The following PCMTD1 variants were observed in gnomAD, a reference collection of about 807,000 sequenced individuals.
The protein encoded by PCMTD1 is protein-L-isoaspartate (D-aspartate) O-methyltransferase domain containing 1, also known as protein-L-isoaspartate O-methyltransferase domain-containing protein 1.
PCMTD1 carries 12 observed loss-of-function variants against 37.6 expected under a neutral mutation model. The ratio of observed to expected loss-of-function variants is 0.32; its 90% CI spans 0.20 to 0.52. PCMTD1 has a LOEUF of 0.52. Among genes scored for constraint, PCMTD1 ranks in the 20% least tolerant of loss-of-function variants. The pLI is 0.97. For missense variants in PCMTD1, 235 were observed against 421.3 expected, an observed-to-expected ratio of 0.56 and a Z score of 3.87; for synonymous variants, 117 against 135.8, an observed-to-expected ratio of 0.86 and a Z score of 0.96.
intron 3 of PCMTD1, among the ~76,000 whole-genome samples, chr8:51,838,841 A>G (rs2038104336): frequency 6.6e-6 from 1 of 152,206 alleles, no homozygotes; most frequent in Non-Finnish European, 1.5e-5. Flanking sequence ...TATTTATAAA[A>G]TTACACACAT....
intron 2 of PCMTD1, among the ~76,000 whole-genome samples, chr8:51,855,087 T>C (rs2038363795): frequency 6.8e-6 from 1 of 148,110 alleles, no homozygotes; most frequent in Non-Finnish European, 1.5e-5. Context: ...GGCAGGAGAA[T>C]AGCTTGAACG....
intron 2 of PCMTD1, among the ~76,000 whole-genome samples, chr8:51,846,035 T>G (rs767849905): frequency 6.6e-6 from 1 of 151,858 alleles, no homozygotes; most frequent in African/African-American, 2.4e-5. Flanking sequence ...CCCAAGAGAG[T>G]AGCTTATCTG....
At chr8:51,844,575 A>T (rs1418257711) in intron 3 of PCMTD1, among the ~76,000 whole-genome samples, 2 of 152,156 alleles carry the variant, frequency 1.3e-5, no homozygotes. Context: ...CGATAAATAC[A>T]AACTGGGATT....
chr8:51,860,142 A>G (rs2038450597), intron 2 of PCMTD1, among the ~76,000 whole-genome samples: 8 of 152,182 alleles, frequency 5.3e-5, no homozygotes, highest in Admixed American at 5.2e-4. Flanking sequence ...AAGTTATTTA[A>G]CCTCCCAGTG....
Position 51,861,188 on chromosome 8 carries a change from A to G in PCMTD1, c.-37T>C. On this transcript the variant is annotated 5_prime_UTR_variant, in exon 2 of 6. Transcript: ENST00000522514. ...AATCAAATCATAAATTTAAAAGTGA[A>G]ATAAAATTAGTAGAAATGGCTTCCA... The G allele has an allele frequency of 1.9e-6, 3 of 1,539,346 alleles. No individual in the cohort carries two copies. In the South Asian group the frequency reaches 3.8e-5, roughly 20 times the overall value.
chr8:51,854,875 T>C (rs1164870355), intron 2 of PCMTD1, among the ~76,000 whole-genome samples: 1 of 128,774 alleles, frequency 7.8e-6, no homozygotes, highest in Non-Finnish European at 1.6e-5. Flanking sequence ...ACAAGACTTG[T>C]CTCAAAAAAA....
chr8:51,844,034 A>T (rs930109398), intron 3 of PCMTD1, among the ~76,000 whole-genome samples: 16 of 152,222 alleles, frequency 1.1e-4, no homozygotes, highest in Admixed American at 4.6e-4. Flanking sequence ...ACTTAATAGC[A>T]ATTAAATAAA....
At chr8:51,833,883 T>C (rs956635253) in intron 3 of PCMTD1, among the ~76,000 whole-genome samples, 194 bp from the exon 4 acceptor site, 2 of 152,202 alleles carry the variant, frequency 1.3e-5, no homozygotes, top group Non-Finnish European at 2.9e-5. Flanking sequence ...ATCAATGACA[T>C]AGGACGGACA....
intron 1 of PCMTD1, among the ~76,000 whole-genome samples, chr8:51,880,168 C>A (rs1436259865): frequency 6.6e-6 from 1 of 151,608 alleles, no homozygotes; most frequent in Admixed American, 6.6e-5. Context: ...CCACTGCACT[C>A]CAGCCTGGGC....
intron 1 of PCMTD1, among the ~76,000 whole-genome samples, chr8:51,885,762 ACT>A (rs2038856919): frequency 1.3e-5 from 2 of 152,302 alleles, no homozygotes; most frequent in South Asian, 4.1e-4. Context: ...AATGCAATAC[ACT>A]CAACACCACA....
rs1306097944 is a variant in PCMTD1 at position 51,898,914 on chromosome 8, C to A, written c.-96+16G>T. On this transcript the variant is annotated intron_variant, in intron 1 of 5. Coordinates refer to ENST00000522514, the MANE Select transcript of PCMTD1 (RefSeq NM_052937.4). The stretch of plus-strand genomic sequence containing the variant: ...CACACCCCACGACCCCGAGCCCCCA[C>A]TGGCGGCGGCGTTACCTGTGGCGCG... 7.5e-7 allele frequency: 1 copy of A among 1,325,252 alleles called. No individual in the cohort carries two copies. The highest frequency in any genetic ancestry group is 2.0e-5 in the South Asian group (1 of 49,648). 82.1% of individuals were successfully genotyped at this position (1,325,252 alleles called of 1,614,324 possible). A position where few individuals can be genotyped will look rare whatever the true frequency, so the allele number is the denominator to read the frequency against.
chr8:51,833,580 C>G lies in PCMTD1; in HGVS notation c.520G>C (p.Glu174Gln), dbSNP rs758419082. 6.2e-7 allele frequency: 1 copy of G among 1,612,788 alleles called. No homozygotes were observed. Among genetic ancestry groups the G allele is most frequent in the East Asian group, 2.2e-5 (1 of 44,768 alleles). The change falls in exon 4 of 6, where the codon GAA becomes CAA. Residue 174 changes from glutamate (E) to glutamine (Q), a missense_variant. Physicochemically the swap from Glu to Gln is conservative, Grantham distance 29. This residue lies in a region of PCMTD1 where 183 missense variants were observed against 349.3 expected (regional missense o/e 0.52). Transcript: ENST00000522514. ...TTTAGTAATATTTTCATGTAGTTTTCATGGTCTTTCTGCACTCCAGCTCCA... is the reference window on the plus strand; with the variant it reads ...TTTAGTAATATTTTCATGTAGTTTTGATGGTCTTTCTGCACTCCAGCTCCA... ...YCGAGVQKDH[E>Q]NYMKILLKVG...
chr8:51,842,431 C>T (rs776575582), intron 3 of PCMTD1, among the ~76,000 whole-genome samples: 3 of 152,118 alleles, frequency 2.0e-5, no homozygotes, highest in African/African-American at 4.8e-5. Flanking sequence ...CCTCCCACCT[C>T]AGCCTCCCAA....
Position 51,819,828 on chromosome 8 carries a change from T to C in PCMTD1, c.*523A>G, listed in dbSNP as rs1327539052. 3.3e-5 allele frequency: 5 copies of C among 152,654 alleles called. No individual in the cohort carries two copies. In the East Asian group the frequency reaches 9.6e-4, roughly 29 times the overall value. The allele number at this position is 152,654 out of a possible 1,614,324, so 9.5% of individuals were successfully genotyped here. A position where few individuals can be genotyped will look rare whatever the true frequency, so the allele number is the denominator to read the frequency against. ...AAGCTAAATTATTCAATATCTTGTA[T>C]TGTTATTGCACTCATATATTGCCCG... On this transcript the variant is annotated 3_prime_UTR_variant, in exon 6 of 6. Transcript: ENST00000522514.
At chr8:51,857,083 A>G (rs925365479) in intron 2 of PCMTD1, among the ~76,000 whole-genome samples, 13 of 152,380 alleles carry the variant, frequency 8.5e-5, no homozygotes, top group African/African-American at 3.1e-4. Flanking sequence ...GGTTAGCTGA[A>G]TAAGGACCAT....
intron 2 of PCMTD1, 194 bp downstream of exon 2, chr8:51,860,651 G>A: frequency 1.9e-6 from 1 of 524,642 alleles, no homozygotes; most frequent in Non-Finnish European, 3.3e-6. Context: ...CAGAGCTACT[G>A]TAGGTTGAGG....
chr8:51,842,960 CAT>C (rs1049244974), intron 3 of PCMTD1, among the ~76,000 whole-genome samples: 70 of 152,130 alleles, frequency 4.6e-4, no homozygotes, highest in African/African-American at 1.6e-3. Flanking sequence ...ATTTTGTTAA[CAT>C]ATATTTTGAT....
intron 1 of PCMTD1, among the ~76,000 whole-genome samples, chr8:51,861,942 G>A (rs1009183720): frequency 6.6e-6 from 1 of 152,028 alleles, no homozygotes; most frequent in Non-Finnish European, 1.5e-5. Flanking sequence ...TCAAACTCCT[G>A]AGCTCAAGAG....
At chr8:51,890,315 T>C (rs1351874688) in intron 1 of PCMTD1, among the ~76,000 whole-genome samples, 1 of 152,206 alleles carries the variant, frequency 6.6e-6, no homozygotes, top group Non-Finnish European at 1.5e-5. Flanking sequence ...TCAGTATATA[T>C]CACTGCTAGG....
Sources: gnomAD v4.1 joint callset for allele counts (sites outside exome capture counted in the v4.1 genomes callset) on GRCh38, gnomAD v4.1.1 for gene constraint, gnomAD v4.1.1 regional missense constraint, MANE v1.5 for transcripts, NCBI Gene and HGNC (gene_info 2026-07-23, HGNC 2026-07-21) for gene names.